Variants in USP29 observed in about 807,000 individuals in gnomAD.
USP29 encodes the protein ubiquitin carboxyl-terminal hydrolase 29.
For missense variants in USP29, 1,102 were observed against 1,069.0 expected (o/e 1.03, Z -0.43); for synonymous variants, 386 against 387.4 (o/e 1.00, Z 0.04).
At chr19:57,122,513 ATGTGTG>A (rs761754087) in intron 2 of USP29, 39 bp downstream of exon 2, 8,099 of 135,468 alleles carry the variant, frequency 0.06, 423 homozygotes, top group East Asian at 0.36. Context: ...GGGTGATGGG[ATGTGTG>A]TGTGTGTGTG....
rs2086850336 is a variant in USP29 at position 57,130,393 on chromosome 19, TC to T, written c.1719del (p.Asn574ThrfsTer4). On this transcript the variant is annotated frameshift_variant, in exon 4 of 4. Transcript: ENST00000254181. LOFTEE classifies it low-confidence loss of function (END_TRUNC). The stretch of plus-strand genomic sequence containing the variant: ...GTCTCTCAGGAGATGATTTCTGAGA[TC>T]AACAGCCCATTGACACCATCAATGA... The part of the protein sequence containing the change: ...LEVSQEMISE[I>X]NSPLTPSMKL... 3 of 1,614,132 alleles carry T rather than the reference TC, an allele frequency of 1.9e-6. No individual in the cohort carries two copies. The highest frequency in any genetic ancestry group is 4.5e-5 in the East Asian group (2 of 44,888).
chr19:57,125,761 T>A (rs2146951825), intron 3 of USP29, among the ~76,000 whole-genome samples: 1 of 152,266 alleles, frequency 6.6e-6, no homozygotes, highest in East Asian at 1.9e-4. Context: ...TTAGCCCATT[T>A]ACATTTAAGG....
chr19:57,127,133 G>A (rs1280633876), intron 3 of USP29, among the ~76,000 whole-genome samples: 3 of 152,168 alleles, frequency 2.0e-5, no homozygotes, highest in African/African-American at 4.8e-5. Flanking sequence ...CCTTCCTCTG[G>A]AAGATTTGTC....
In USP29 at chr19:57,130,076, G is replaced by T; in HGVS notation, c.1401G>T (p.Leu467Phe). The stretch of plus-strand genomic sequence containing the variant: ...ACCAAGAAACAAAACCACTTCCTTT[G>T]TCCATTCAGAATTCTTTAGATCTTT... ...NLHQETKPLP[L>F]SIQNSLDLFF... The change falls in exon 4 of 4, where the codon TTG becomes TTT. Residue 467 changes from leucine (L) to phenylalanine (F), a missense_variant. By Grantham distance (22) the Leu-to-Phe change is conservative. Coordinates refer to ENST00000254181, the MANE Select transcript of USP29 (RefSeq NM_020903.3). 6.2e-7 allele frequency: 1 copy of T among 1,613,520 alleles called. No individual in the cohort carries two copies. Among genetic ancestry groups the T allele is most frequent in the Non-Finnish European group, 8.5e-7 (1 of 1,179,850 alleles).
chr19:57,120,191 GCTT>G lies in USP29; in HGVS notation c.-305_-303del, dbSNP rs1568453579. The G allele has an allele frequency of 6.7e-6, 1 of 148,170 alleles. No homozygotes were observed. Among genetic ancestry groups the G allele is most frequent in the Admixed American group, 6.7e-5 (1 of 14,860 alleles). 9.2% of individuals were successfully genotyped at this position (148,170 alleles called of 1,614,324 possible). On this transcript the variant is annotated 5_prime_UTR_variant, in exon 1 of 4. Coordinates refer to ENST00000254181, the MANE Select transcript of USP29 (RefSeq NM_020903.3). ...TTTGGGAGGCCGAGGCGGGAGGATC[GCTT>G]GTGCCCAGGAGTTGGAGACCAGCCT... is the stretch of plus-strand genomic sequence containing the variant.
At position 57,130,398 on chromosome 19, in the gene USP29, A is replaced by G. The variant is rs2086850412; in HGVS notation, c.1723A>G (p.Ser575Gly). Residue 575 changes from serine (S) to glycine (G), a missense_variant, in exon 4 of 4, where the codon AGC becomes GGC. Coordinates refer to ENST00000254181, the MANE Select transcript of USP29 (RefSeq NM_020903.3). ...VSQEMISEIN[S>G]PLTPSMKLTS... ...TCAGGAGATGATTTCTGAGATCAAC[A>G]GCCCATTGACACCATCAATGAAGCT... 6.2e-7 allele frequency: 1 copy of G among 1,614,106 alleles called. No homozygotes were observed. The highest frequency in any genetic ancestry group is 1.1e-5 in the South Asian group (1 of 91,088).
rs375942666 is a variant in USP29 at position 57,129,365 on chromosome 19, C to T, written c.690C>T (p.Thr230=). 3.0e-5 allele frequency: 48 copies of T among 1,614,034 alleles called. No homozygotes were observed. The African/African-American group carries it at 5.6e-4, about 19-fold the overall frequency. Residue 230 remains threonine, a synonymous_variant, in exon 4 of 4, where the codon ACC becomes ACT. Coordinates refer to ENST00000254181, the MANE Select transcript of USP29 (RefSeq NM_020903.3). ...RDLKLGPSFN[T]NCNGNPNLDE... is the part of the protein sequence containing the mutation. ...TGAAACTCGGGCCTTCATTCAATAC[C>T]AACTGTAATGGAAATCCTAACCTAG...
At position 57,131,628 on chromosome 19, in the gene USP29, G is replaced by A. The variant is rs899776792; in HGVS notation, c.*184G>A. 2 of 898,890 alleles carry A rather than the reference G, an allele frequency of 2.2e-6. No homozygotes were observed. Among genetic ancestry groups the A allele is most frequent in the Non-Finnish European group, 3.3e-6 (2 of 612,396 alleles). The allele number at this position is 898,890 out of a possible 1,614,324, so 55.7% of individuals were successfully genotyped here. The stretch of plus-strand genomic sequence containing the variant: ...TCAGACACCTAGATCCCAGAACTCA[G>A]GCGCATATGCATATTTTCCCTGCAA... On this transcript the variant is annotated 3_prime_UTR_variant, in exon 4 of 4. Coordinates refer to ENST00000254181, the MANE Select transcript of USP29 (RefSeq NM_020903.3).
intron 2 of USP29, among the ~76,000 whole-genome samples, chr19:57,123,428 G>A (rs989460256): frequency 6.6e-6 from 1 of 152,072 alleles, no homozygotes; most frequent in Non-Finnish European, 1.5e-5. Flanking sequence ...TTAATTTTGA[G>A]CCATTTTAGC....
Position 57,131,513 on chromosome 19 carries a change from T to C in USP29, c.*69T>C. On this transcript the variant is annotated 3_prime_UTR_variant, in exon 4 of 4. Coordinates refer to ENST00000254181, the MANE Select transcript of USP29 (RefSeq NM_020903.3). ...TACTTCATCCTTGCAAAGAGAATCC[T>C]GTACTTCACTCAGAATGAAGGAACA... is the stretch of plus-strand genomic sequence containing the variant. 2.0e-6 allele frequency: 3 copies of C among 1,511,604 alleles called. No homozygotes were observed. The highest frequency in any genetic ancestry group is 2.3e-5 in the East Asian group (1 of 43,964). The allele number at this position is 1,511,604 out of a possible 1,614,324, so 93.6% of individuals were successfully genotyped here.
intron 1 of USP29, among the ~76,000 whole-genome samples, chr19:57,121,802 T>C (rs1383727132): frequency 6.6e-6 from 1 of 151,002 alleles, no homozygotes; most frequent in African/African-American, 2.4e-5. Flanking sequence ...GGAGTAAAAG[T>C]ATATCCTGTT....
chr19:57,129,952 C>T lies in USP29; in HGVS notation c.1277C>T (p.Ala426Val). ...ATKVFVCPVV[A>V]NFEFELQLSL... ...AAAGTGTTTGTTTGCCCTGTTGTTG[C>T]TAATTTTGAGTTTGAATTGCAGCTC... The change falls in exon 4 of 4, where the codon GCT (alanine) becomes GTT (valine). Residue 426 changes from alanine to valine, a missense_variant. Ala to Val is a moderately conservative substitution (Grantham distance 64). Transcript: ENST00000254181. 1 of 1,614,136 alleles carries T rather than the reference C, an allele frequency of 6.2e-7. No homozygotes were observed. Among genetic ancestry groups the T allele is most frequent in the Non-Finnish European group, 8.5e-7 (1 of 1,180,044 alleles).
intron 3 of USP29, among the ~76,000 whole-genome samples, chr19:57,126,303 T>G (rs954972645): frequency 1.3e-5 from 2 of 152,198 alleles, no homozygotes; most frequent in Non-Finnish European, 2.9e-5. Flanking sequence ...AATGTTGGCC[T>G]GTCGTTCTAG....
rs918563820 is a variant in USP29 at position 57,130,146 on chromosome 19, C to T, written c.1471C>T (p.Gln491Ter). The T allele has an allele frequency of 1.2e-6, 2 of 1,613,862 alleles. No homozygotes were observed. Among genetic ancestry groups the T allele is most frequent in the African/African-American group, 2.7e-5 (2 of 74,890 alleles). ...ELEYNCQMCKQKSCVARHTFS... is the reference protein window; with the variant it reads ...ELEYNCQMCK Reference sequence around the variant, plus strand: ...TGAATATAACTGTCAGATGTGTAAGCAGAAGAGTTGTGTTGCAAGGCATAC... The same window carrying T: ...TGAATATAACTGTCAGATGTGTAAGTAGAAGAGTTGTGTTGCAAGGCATAC... The change falls in exon 4 of 4, where the codon CAG becomes TAG. Residue 491 changes from glutamine to a stop codon, truncating the protein, a stop_gained. Transcript: ENST00000254181. LOFTEE classifies it low-confidence loss of function (END_TRUNC).
chr19:57,127,713 C>T (rs1469046872), intron 3 of USP29, among the ~76,000 whole-genome samples: 4 of 152,202 alleles, frequency 2.6e-5, no homozygotes, highest in Non-Finnish European at 5.9e-5. Flanking sequence ...GCTTGCTGGG[C>T]TCCATGGGAG....
In USP29 at chr19:57,129,783, C is replaced by G. The variant is rs914372858; in HGVS notation, c.1108C>G (p.Gln370Glu). 6.2e-7 allele frequency: 1 copy of G among 1,614,096 alleles called. No individual in the cohort carries two copies. The highest frequency in any genetic ancestry group is 8.5e-7 in the Non-Finnish European group (1 of 1,180,020). Reference protein sequence around the residue: ...AVAEIFSGNMQNDAHEFLGQC... With the variant: ...AVAEIFSGNMENDAHEFLGQC... ...TGCAGAAATATTTTCTGGCAACATG[C>G]AGAATGATGCTCATGAGTTTTTAGG... The change falls in exon 4 of 4, where the codon CAG (glutamine) becomes GAG (glutamate). Residue 370 changes from glutamine to glutamate, a missense_variant. Physicochemically the swap from Gln to Glu is conservative, Grantham distance 29. Transcript: ENST00000254181.
In USP29 at chr19:57,130,549, G is replaced by T. The variant is rs541335351; in HGVS notation, c.1874G>T (p.Gly625Val). 2.7e-5 allele frequency: 43 copies of T among 1,614,160 alleles called. No individual in the cohort carries two copies. Among genetic ancestry groups the T allele is most frequent in the Middle Eastern group, 1.6e-4 (1 of 6,062 alleles). ...QEQHQRDLEN[G>V]SALESELVHF... ...CAGCATCAGAGAGACCTGGAAAATG[G>T]CTCTGCACTAGAGTCAGAATTGGTC... is the stretch of plus-strand genomic sequence containing the variant. Residue 625 changes from glycine to valine, a missense_variant, in exon 4 of 4, where the codon GGC becomes GTC. Coordinates refer to ENST00000254181, the MANE Select transcript of USP29 (RefSeq NM_020903.3).
chr19:57,120,812 A>AAAAAAC (rs1483561957), intron 1 of USP29, among the ~76,000 whole-genome samples: 1 of 148,146 alleles, frequency 6.8e-6, no homozygotes, highest in African/African-American at 2.5e-5. Context: ...AAAAAAAAAA[A>AAAAAAC]ACAGAAAAAA....
chr19:57,130,217 T>C lies in USP29; in HGVS notation c.1542T>C (p.Tyr514=), dbSNP rs1190309075. Residue 514 remains tyrosine (Y), a synonymous_variant, in exon 4 of 4, where the codon TAT becomes TAC. Coordinates refer to ENST00000254181, the MANE Select transcript of USP29 (RefSeq NM_020903.3). ...TCCTTATCATTCATCTGAAACGCTATAGCTTCAACAATGCTTGGTTGCTGG... is the reference window on the plus strand; with the variant it reads ...TCCTTATCATTCATCTGAAACGCTACAGCTTCAACAATGCTTGGTTGCTGG... ...SRVLIIHLKR[Y]SFNNAWLLVK... is the part of the protein sequence containing the mutation. 1 of 1,614,168 alleles carries C rather than the reference T, an allele frequency of 6.2e-7. No individual in the cohort carries two copies. Among genetic ancestry groups the C allele is most frequent in the South Asian group, 1.1e-5 (1 of 91,074 alleles).
Sources: gnomAD v4.1 joint callset for allele counts (sites outside exome capture counted in the v4.1 genomes callset) on GRCh38, gnomAD v4.1.1 for gene constraint, MANE v1.5 for transcripts, NCBI Gene and HGNC (gene_info 2026-07-23, HGNC 2026-07-21) for gene names.